DLG2: variants seen among roughly 807,000 people sequenced by gnomAD.
The protein encoded by DLG2 is disks large homolog 2.
A neutral mutation model predicts 132.5 loss-of-function variants in DLG2; 45 were observed. The ratio of observed to expected loss-of-function variants is 0.34; its 90% CI spans 0.27 to 0.44. DLG2 has a LOEUF of 0.44. Among genes scored for constraint, DLG2 ranks in the 20% least tolerant of loss-of-function variants. The probability of loss-of-function intolerance (pLI) is 1.00; values close to 1 mark genes in which losing one functional copy is unlikely to be tolerated. For synonymous variants in DLG2, 424 were observed against 419.6 expected, an observed-to-expected ratio of 1.01 and a Z score of -0.13; for missense variants, 1,045 against 1,196.9, an observed-to-expected ratio of 0.87 and a Z score of 1.87.
At chr11:85,404,450 C>G (rs750099986) in intron 3 of DLG2, among the ~76,000 whole-genome samples, 3 of 151,920 alleles carry the variant, frequency 2.0e-5, no homozygotes, top group Non-Finnish European at 4.4e-5. Context: ...ACAGAACAAT[C>G]ATTGTAGGTA....
At chr11:84,469,928 G>A (rs1366976972) in intron 7 of DLG2, among the ~76,000 whole-genome samples, 8 of 151,612 alleles carry the variant, frequency 5.3e-5, no homozygotes. Flanking sequence ...AACCTAGATG[G>A]TATAGCCCAA....
intron 5 of DLG2, among the ~76,000 whole-genome samples, chr11:85,141,840 C>T (rs1363672528): frequency 6.6e-6 from 1 of 151,736 alleles, no homozygotes; most frequent in Non-Finnish European, 1.5e-5. Flanking sequence ...GTTCTTCACA[C>T]CTTTGTCAAA....
At chr11:84,628,331 C>G (rs1198201404) in intron 6 of DLG2, among the ~76,000 whole-genome samples, 3 of 152,044 alleles carry the variant, frequency 2.0e-5, no homozygotes, top group African/African-American at 7.3e-5. Flanking sequence ...TTGTTGAGCA[C>G]CTACTATATG....
chr11:85,040,137 T>C (rs1396102878), intron 6 of DLG2, among the ~76,000 whole-genome samples: 1 of 151,938 alleles, frequency 6.6e-6, no homozygotes, highest in Non-Finnish European at 1.5e-5. Flanking sequence ...AACCCTATTG[T>C]AGATTAATTC....
At chr11:83,942,093 A>C (rs1311509736) in intron 14 of DLG2, among the ~76,000 whole-genome samples, 2 of 152,208 alleles carry the variant, frequency 1.3e-5, no homozygotes, top group African/African-American at 2.4e-5. Flanking sequence ...CATTTGTAGA[A>C]GCAAACCACT....
intron 15 of DLG2, among the ~76,000 whole-genome samples, chr11:83,919,583 ACT>A (rs1243056564): frequency 6.6e-6 from 1 of 152,070 alleles, no homozygotes; most frequent in Non-Finnish European, 1.5e-5. Context: ...CACAAAAGAA[ACT>A]CTCTAGGTCC....
intron 3 of DLG2, among the ~76,000 whole-genome samples, chr11:85,494,980 C>T (rs181599754): frequency 1.3e-5 from 2 of 151,970 alleles, no homozygotes; most frequent in Admixed American, 1.3e-4. Flanking sequence ...GATTTTATAA[C>T]AAAGTCCCAC....
chr11:84,390,389 T>C (rs2098788430), intron 7 of DLG2, among the ~76,000 whole-genome samples: 1 of 152,198 alleles, frequency 6.6e-6, no homozygotes, highest in Non-Finnish European at 1.5e-5. Context: ...GAGTACCGAC[T>C]CCATGCCAGA....
At chr11:84,953,172 G>T (rs1335905798) in intron 6 of DLG2, among the ~76,000 whole-genome samples, 1 of 152,122 alleles carries the variant, frequency 6.6e-6, no homozygotes, top group Non-Finnish European at 1.5e-5. Context: ...ATCGGTTCAT[G>T]TCATTTTCTG....
At chr11:84,645,359 T>C (rs1190541472) in intron 6 of DLG2, among the ~76,000 whole-genome samples, 1 of 152,214 alleles carries the variant, frequency 6.6e-6, no homozygotes, top group Non-Finnish European at 1.5e-5. Context: ...TAGTTATTTT[T>C]ACCCAAAGCC....
chr11:83,749,591 T>G (rs1216190942), intron 18 of DLG2, among the ~76,000 whole-genome samples: 2 of 152,182 alleles, frequency 1.3e-5, no homozygotes, highest in African/African-American at 4.8e-5. Flanking sequence ...GCAGCTGTAT[T>G]TCCAGCCTGC....
intron 6 of DLG2, among the ~76,000 whole-genome samples, chr11:84,751,971 A>C (rs1275387319): frequency 1.3e-5 from 2 of 152,096 alleles, no homozygotes; most frequent in East Asian, 3.9e-4. Context: ...TTCACACTAC[A>C]CTCTTCTCCA....
intron 17 of DLG2, among the ~76,000 whole-genome samples, chr11:83,795,898 A>G (rs950637141): frequency 4.6e-5 from 7 of 152,168 alleles, no homozygotes; most frequent in Middle Eastern, 3.2e-3. Flanking sequence ...TGACCTTTTA[A>G]AATTTCTCTG....
At chr11:84,014,869 TA>T (rs374510320) in intron 11 of DLG2, among the ~76,000 whole-genome samples, 3 of 151,062 alleles carry the variant, frequency 2.0e-5, no homozygotes, top group East Asian at 2.0e-4. Context: ...AGTTTTGAGA[TA>T]AAAAAAAGGC....
chr11:84,802,375 C>T (rs1167918767), intron 6 of DLG2, among the ~76,000 whole-genome samples: 4 of 148,664 alleles, frequency 2.7e-5, no homozygotes, highest in Admixed American at 6.7e-5. Context: ...CCAGCAGCAG[C>T]AGCAGCAGCA....
At chr11:83,928,475 C>A (rs2079434402) in intron 15 of DLG2, among the ~76,000 whole-genome samples, 1 of 151,418 alleles carries the variant, frequency 6.6e-6, no homozygotes, top group Admixed American at 6.6e-5. Context: ...CTTTTACATT[C>A]ATAAAAAAGG....
At chr11:85,176,661 T>C (rs2079269151) in intron 4 of DLG2, among the ~76,000 whole-genome samples, 1 of 152,090 alleles carries the variant, frequency 6.6e-6, no homozygotes, top group Non-Finnish European at 1.5e-5. Context: ...GAAACTATCA[T>C]CAGAGTGAAC....
At chr11:84,502,072 TTTCCTTCC>T (rs201070794) in intron 7 of DLG2, among the ~76,000 whole-genome samples, 2 of 150,710 alleles carry the variant, frequency 1.3e-5, no homozygotes, top group African/African-American at 4.9e-5. Flanking sequence ...TTCTTTTCTT[TTTCCTTCC>T]TTCCTTCCTT....
intron 6 of DLG2, among the ~76,000 whole-genome samples, chr11:85,105,376 G>C (rs2071569077): frequency 6.6e-6 from 1 of 151,890 alleles, no homozygotes; most frequent in Non-Finnish European, 1.5e-5. Context: ...CTAAAATACT[G>C]TAAGGGCCAG....
Sources: gnomAD v4.1 joint callset for allele counts (sites outside exome capture counted in the v4.1 genomes callset) on GRCh38, gnomAD v4.1.1 for gene constraint, MANE v1.5 for transcripts, NCBI Gene and HGNC (gene_info 2026-07-23, HGNC 2026-07-21) for gene names.